The following JAKMIP1 variants were observed in gnomAD, a reference collection of about 807,000 sequenced individuals.
The protein encoded by JAKMIP1 is janus kinase and microtubule interacting protein 1.
In JAKMIP1, 33 loss-of-function variants were observed where a neutral mutation model predicts 113.0. The observed-to-expected ratio is 0.29, with a 90% confidence interval of 0.22 to 0.39. The LOEUF is 0.39. Among genes scored for constraint, JAKMIP1 ranks in the 10% least tolerant of loss-of-function variants. The probability of loss-of-function intolerance (pLI) is 1.00; values close to 1 mark genes in which losing one functional copy is unlikely to be tolerated. For synonymous variants in JAKMIP1, 480 were observed against 459.9 expected (o/e 1.04, Z -0.56); for missense variants, 813 against 1,080.5 (o/e 0.75, Z 3.47).
In JAKMIP1 at chr4:6,180,550, A is replaced by G. The variant is rs965631678; in HGVS notation, c.-148+19703T>C. On this transcript the variant is annotated intron_variant, in intron 1 of 20. Transcript: ENST00000409021. The surrounding 1 kb of genome is among the most constrained non-coding windows in gnomAD (Gnocchi z 4.5). ...TACTACAATTCAACAAACATGCACCAAGTAATAAGTCACCATTTATATAGC... is the reference window on the plus strand; with the variant it reads ...TACTACAATTCAACAAACATGCACCGAGTAATAAGTCACCATTTATATAGC... Among the ~76,000 whole-genome samples the G allele has an allele frequency of 5.9e-5, 9 of 152,226 alleles. No homozygotes were observed. Among genetic ancestry groups the G allele is most frequent in the African/African-American group, 2.2e-4 (9 of 41,468 alleles).
Position 6,086,231 on chromosome 4 carries a change from T to C in JAKMIP1, c.625-602A>G, listed in dbSNP as rs1186474530. 6.6e-6 allele frequency among the ~76,000 whole-genome samples: 1 copy of C among 152,198 alleles called. No homozygotes were observed. The highest frequency in any genetic ancestry group is 1.5e-5 in the Non-Finnish European group (1 of 68,032). ...TTTCTATCTTCTTTATAGACTGTCT[T>C]GCTCTGGCTCTCATTGAAGCCTGGA... On this transcript the variant is annotated intron_variant, in intron 3 of 20. Transcript: ENST00000409021. The surrounding 1 kb of genome is among the most constrained non-coding windows in gnomAD (Gnocchi z 4.1).
intron 1 of JAKMIP1, among the ~76,000 whole-genome samples, chr4:6,125,851 C>A (rs111203625): frequency 0.91 from 27,666 of 30,412 alleles, 13,082 homozygotes; most frequent in East Asian, 0.96. Context: ...ACACACACCC[C>A]CCATACAGAA....
rs1296502246 is a variant in JAKMIP1 at position 6,170,274 on chromosome 4, CCAT to C, written c.-148+29976_-148+29978del. Among the ~76,000 whole-genome samples the C allele has an allele frequency of 2.3e-4, 34 of 148,230 alleles. No homozygotes were observed. The South Asian group carries it at 3.5e-3, about 15-fold the overall frequency. On this transcript the variant is annotated intron_variant, in intron 1 of 20. Coordinates refer to ENST00000409021, the MANE Select transcript of JAKMIP1 (RefSeq NM_001099433.2). ...CCCACCCTTCTCACCACCACCACCA[CCAT>C]CACCACCACCATCACTGTCAACACC...
intron 5 of JAKMIP1, among the ~76,000 whole-genome samples, chr4:6,083,728 G>A (rs983514970): frequency 5.3e-5 from 8 of 151,750 alleles, no homozygotes; most frequent in African/African-American, 1.9e-4. Flanking sequence ...AATATTCTGT[G>A]GATATACTTC....
At chr4:6,107,976 C>CGT (rs1490580095) in intron 2 of JAKMIP1, among the ~76,000 whole-genome samples, 1 of 152,022 alleles carries the variant, frequency 6.6e-6, no homozygotes, top group Non-Finnish European at 1.5e-5. Context: ...TGGGCAGCCT[C>CGT]GTGTGAGAGA....
rs1212364062 is a variant in JAKMIP1, at chr4:6,049,832, A to T, written c.1949T>A (p.Leu650His). The T allele has an allele frequency of 6.2e-7, 1 of 1,612,676 alleles. No homozygotes were observed. The highest frequency in any genetic ancestry group is 8.5e-7 in the Non-Finnish European group (1 of 1,178,720). Residue 650 changes from leucine to histidine, a missense_variant, in exon 15 of 21, where the codon CTT (leucine) becomes CAT (histidine). Physicochemically the swap from Leu to His is moderately conservative, Grantham distance 99. Around this residue, in one of 2 missense-constraint regions of JAKMIP1, gnomAD observed 273 missense variants for 426.6 expected, o/e 0.64. Coordinates refer to ENST00000409021, the MANE Select transcript of JAKMIP1 (RefSeq NM_001099433.2). The surrounding 1 kb of genome is among the most constrained non-coding windows in gnomAD (Gnocchi z 7.0). ...VSELMKKLDI[L>H]GDNGNLRNEE... Reference sequence around the variant, plus strand: ...GCTCATAGTTACCCCGTTATCGCCAAGGATATCTAATTTCTTCATAAGTTC... The same window carrying T: ...GCTCATAGTTACCCCGTTATCGCCATGGATATCTAATTTCTTCATAAGTTC...
rs975063455 is a variant in JAKMIP1 at position 6,089,022 on chromosome 4, C to A, written c.625-3393G>T. On this transcript the variant is annotated intron_variant, in intron 3 of 20. Transcript: ENST00000409021. The surrounding 1 kb of genome is among the most constrained non-coding windows in gnomAD (Gnocchi z 5.3). ...GGATGGATGCACAATCCAATCAGAA[C>A]CAATGGCCAGAAGTAGGCAGCACCA... Among the ~76,000 whole-genome samples, 1 of 152,184 alleles carries A rather than the reference C, an allele frequency of 6.6e-6. No individual in the cohort carries two copies. The highest frequency in any genetic ancestry group is 2.4e-5 in the African/African-American group (1 of 41,432).
At position 6,098,724 on chromosome 4, in the gene JAKMIP1, A is replaced by G. The variant is rs201155415; in HGVS notation, c.624+6749T>C. On this transcript the variant is annotated intron_variant, in intron 3 of 20. Coordinates refer to ENST00000409021, the MANE Select transcript of JAKMIP1 (RefSeq NM_001099433.2). ...AGAAAGAAAGAAAGAAAGAAAGAAA[A>G]AGAAAGAAAGAGAAGGAAGGAAGGA... Among the ~76,000 whole-genome samples, 45 of 10,442 alleles carry G rather than the reference A, an allele frequency of 4.3e-3. 1 individual carries two copies. The South Asian group carries it at 0.045, about 10-fold the overall frequency. 6.9% of individuals were successfully genotyped at this position (10,442 alleles called of 152,430 possible).
rs1234704376 is a variant in JAKMIP1, at chr4:6,080,944, G to C, written c.1102-632C>G. On this transcript the variant is annotated intron_variant, in intron 6 of 20. Transcript: ENST00000409021. The surrounding 1 kb of genome is among the most constrained non-coding windows in gnomAD (Gnocchi z 6.0). ...TGAAATGAGCCTAGAAACCTGGGAG[G>C]GGAAGGCAGGGGAAGGAGAGGACTT... Among the ~76,000 whole-genome samples, 1 of 148,484 alleles carries C rather than the reference G, an allele frequency of 6.7e-6. No individual in the cohort carries two copies. Among genetic ancestry groups the C allele is most frequent in the Non-Finnish European group, 1.5e-5 (1 of 67,760 alleles).
In JAKMIP1 at chr4:6,079,098, A is replaced by C; in HGVS notation, c.1243-100T>G. On this transcript the variant is annotated intron_variant, in intron 7 of 20. Transcript: ENST00000409021. ...GGAGCTGGGCCTGCCCATCCGCACC[A>C]GGCATGGCTAGTTGAAGTTCTAAGT... 13 of 1,223,114 alleles carry C rather than the reference A, an allele frequency of 1.1e-5. No homozygotes were observed. In the South Asian group the frequency reaches 1.5e-4, roughly 14 times the overall value. 75.8% of individuals were successfully genotyped at this position (1,223,114 alleles called of 1,614,324 possible). A position where few individuals can be genotyped will look rare whatever the true frequency, so the allele number is the denominator to read the frequency against.
chr4:6,187,446 A>C lies in JAKMIP1; in HGVS notation c.-148+12807T>G, dbSNP rs1311092697. 1.3e-5 allele frequency among the ~76,000 whole-genome samples: 2 copies of C among 152,248 alleles called. No individual in the cohort carries two copies. The highest frequency in any genetic ancestry group is 2.9e-5 in the Non-Finnish European group (2 of 68,054). Reference sequence around the variant, plus strand: ...ATGTTTATGTACCCCCAGAATTCATATGTTTCTAGTCACCAGTATGATAGC... The same window carrying C: ...ATGTTTATGTACCCCCAGAATTCATCTGTTTCTAGTCACCAGTATGATAGC... On this transcript the variant is annotated intron_variant, in intron 1 of 20. Coordinates refer to ENST00000409021, the MANE Select transcript of JAKMIP1 (RefSeq NM_001099433.2). This position sits in a 1 kb window ranked among gnomAD's most constrained non-coding sequence, Gnocchi z 4.2.
rs1202138935 is a variant in JAKMIP1, at chr4:6,154,044, C to T, written c.-147-41047G>A. Among the ~76,000 whole-genome samples the T allele has an allele frequency of 2.0e-5, 3 of 152,178 alleles. No homozygotes were observed. Among genetic ancestry groups the T allele is most frequent in the African/African-American group, 4.8e-5 (2 of 41,430 alleles). The stretch of plus-strand genomic sequence containing the variant: ...TGGCTGCTGAACCAGAGTGAGAGTT[C>T]AAGGCCATCTCTGCAGCCCCCAGAC... On this transcript the variant is annotated intron_variant, in intron 1 of 20. Transcript: ENST00000409021. The surrounding 1 kb of genome is among the most constrained non-coding windows in gnomAD (Gnocchi z 4.2).
chr4:6,066,125 C>G (rs3892506), intron 8 of JAKMIP1, among the ~76,000 whole-genome samples: 28,609 of 152,060 alleles, frequency 0.19, 3,622 homozygotes, highest in African/African-American at 0.35. Context: ...GCTGGCTCAT[C>G]CAAAACATGA....
intron 12 of JAKMIP1, 118 bp from the exon 13 acceptor site, chr4:6,054,266 G>T: frequency 2.2e-6 from 2 of 897,476 alleles, no homozygotes; most frequent in Non-Finnish European, 3.5e-6. Context: ...GAGGCAAGGG[G>T]CAGGAGAGGG....
At chr4:6,041,867 T>C (rs1023447794) in intron 17 of JAKMIP1, among the ~76,000 whole-genome samples, 22 of 152,220 alleles carry the variant, frequency 1.4e-4, no homozygotes, top group African/African-American at 5.1e-4. Flanking sequence ...CCTGCAGGTC[T>C]GTGAGCTTGC....
chr4:6,118,980 G>A (rs1256386967), intron 1 of JAKMIP1, among the ~76,000 whole-genome samples: 3 of 152,224 alleles, frequency 2.0e-5, no homozygotes, highest in African/African-American at 7.2e-5. Context: ...GATGCACAGA[G>A]AAGACACACA....
chr4:6,103,029 T>G (rs540546414), intron 3 of JAKMIP1, among the ~76,000 whole-genome samples: 5 of 152,178 alleles, frequency 3.3e-5, no homozygotes, highest in African/African-American at 9.6e-5. Flanking sequence ...ATTTTATATT[T>G]GACATCCTGG....
chr4:6,175,058 C>A lies in JAKMIP1; in HGVS notation c.-148+25195G>T, dbSNP rs371764471. ...TGCAGGTAAAAACCAAACTCCTTAG[C>A]CTGGACAAGGCCCTTCCTCATCTAA... is the stretch of plus-strand genomic sequence containing the variant. On this transcript the variant is annotated intron_variant, in intron 1 of 20. Coordinates refer to ENST00000409021, the MANE Select transcript of JAKMIP1 (RefSeq NM_001099433.2). Among the ~76,000 whole-genome samples, 7 of 152,302 alleles carry A rather than the reference C, an allele frequency of 4.6e-5. No homozygotes were observed. In the South Asian group the frequency reaches 1.5e-3, roughly 32 times the overall value.
chr4:6,160,541 T>C (rs1235261428), intron 1 of JAKMIP1, among the ~76,000 whole-genome samples: 1 of 152,104 alleles, frequency 6.6e-6, no homozygotes, highest in East Asian at 1.9e-4. Flanking sequence ...TCCCTGGCCC[T>C]AGACCCCTTC....
Sources: gnomAD v4.1 joint callset for allele counts (sites outside exome capture counted in the v4.1 genomes callset) on GRCh38, gnomAD v4.1.1 for gene constraint, gnomAD v4.1.1 regional missense constraint, Gnocchi (gnomAD v3.1) non-coding constraint, MANE v1.5 for transcripts, NCBI Gene and HGNC (gene_info 2026-07-23, HGNC 2026-07-21) for gene names.